ROBO1: variants seen among roughly 807,000 people sequenced by gnomAD.
ROBO1 encodes the protein roundabout guidance receptor 1.
A neutral mutation model predicts 195.9 loss-of-function variants in ROBO1; 149 were observed. The ratio of observed to expected loss-of-function variants is 0.76; its 90% CI spans 0.67 to 0.87. The LOEUF (loss-of-function observed/expected upper bound fraction) is 0.87. ROBO1 is among the 40% of genes least tolerant of loss of function. ROBO1 has a pLI of 0.00. For missense variants in ROBO1, 1,933 were observed against 2,068.3 expected, an observed-to-expected ratio of 0.93 and a Z score of 1.27; for synonymous variants, 816 against 733.2, an observed-to-expected ratio of 1.11 and a Z score of -1.82.
chr3:79,491,008 C>T (rs1437755083), intron 2 of ROBO1, among the ~76,000 whole-genome samples: 2 of 151,982 alleles, frequency 1.3e-5, no homozygotes, highest in Non-Finnish European at 2.9e-5. Flanking sequence ...AAAAAAGTGT[C>T]TCTATGGTAA....
intron 18 of ROBO1, among the ~76,000 whole-genome samples, chr3:78,654,799 A>G (rs1251208344): frequency 1.3e-5 from 2 of 152,226 alleles, no homozygotes; most frequent in Non-Finnish European, 2.9e-5. Flanking sequence ...AATTATACAT[A>G]GTCATTTTCC....
intron 1 of ROBO1, among the ~76,000 whole-genome samples, chr3:79,606,532 C>G (rs1944490839): frequency 2.0e-5 from 3 of 151,930 alleles, no homozygotes; most frequent in Admixed American, 1.3e-4. Flanking sequence ...CCTGCCTCAG[C>G]CTTCTGAGTA....
intron 3 of ROBO1, among the ~76,000 whole-genome samples, chr3:79,105,636 T>C (rs2079764381): frequency 6.6e-6 from 1 of 151,764 alleles, no homozygotes. Context: ...TATCTAAATT[T>C]ATATTTATAT....
At chr3:78,692,397 G>A (rs373040454) in intron 8 of ROBO1, among the ~76,000 whole-genome samples, 1 of 151,918 alleles carries the variant, frequency 6.6e-6, no homozygotes, top group East Asian at 1.9e-4. Context: ...AGCCTCCCGA[G>A]TAGCTGGGAT....
intron 5 of ROBO1, among the ~76,000 whole-genome samples, chr3:78,738,356 C>T (rs1474747232): frequency 2.6e-5 from 4 of 152,126 alleles, no homozygotes; most frequent in African/African-American, 4.8e-5. Context: ...AATTTTACCT[C>T]GTCAGCATGG....
chr3:79,087,239 C>T (rs2079387652), intron 3 of ROBO1, among the ~76,000 whole-genome samples: 1 of 151,988 alleles, frequency 6.6e-6, no homozygotes, highest in African/African-American at 2.4e-5. Context: ...AAGGATTTTC[C>T]TTAATTTTAA....
chr3:78,869,126 A>G (rs534769613), intron 4 of ROBO1, among the ~76,000 whole-genome samples: 214 of 152,308 alleles, frequency 1.4e-3, no homozygotes, highest in Non-Finnish European at 8.4e-4. Context: ...TGCAACAAAC[A>G]ATTCAATGAA....
chr3:78,631,314 G>GAAATAAAA lies in ROBO1; in HGVS notation c.3482-17_3482-10dup. ...CTTGTGCCCCTGACTCCCTAGAAAG[G>GAAATAAAA]AAATAAAATAGAAGCCATTGATCTC... On this transcript the variant is annotated splice_polypyrimidine_tract_variant and intron_variant, in intron 24 of 30. Transcript: ENST00000464233. 2 of 1,611,484 alleles carry GAAATAAAA rather than the reference G, an allele frequency of 1.2e-6. No homozygotes were observed. The highest frequency in any genetic ancestry group is 2.2e-5 in the South Asian group (2 of 90,798).
At chr3:79,090,912 A>G (rs570300223) in intron 3 of ROBO1, among the ~76,000 whole-genome samples, 45 of 152,264 alleles carry the variant, frequency 3.0e-4, no homozygotes, top group African/African-American at 1.0e-3. Context: ...TTTCTAGATT[A>G]TAGTATGTTT....
chr3:78,607,006 T>C lies in ROBO1; in HGVS notation c.4471A>G (p.Lys1491Glu). 6.8e-6 allele frequency: 11 copies of C among 1,612,698 alleles called. No individual in the cohort carries two copies. Among genetic ancestry groups the C allele is most frequent in the Non-Finnish European group, 8.5e-6 (10 of 1,178,830 alleles). ...GTCTTGGATTGGGCAGTAGGTGACT[T>C]TATAGCAGGTGGCGGCACAGGAGGT... ...PPPPVPPPAI[K>E]SPTAQSKTQL... Residue 1491 changes from lysine (K) to glutamate (E), a missense_variant, in exon 29 of 31, where the codon AAG becomes GAG. Physicochemically the swap from Lys to Glu is moderately conservative, Grantham distance 56 (BLOSUM62 1). Coordinates refer to ENST00000464233, the MANE Select transcript of ROBO1 (RefSeq NM_002941.4).
rs1444644048 is a variant in ROBO1, at chr3:79,322,319, A to G, written c.89-196780T>C. On this transcript the variant is annotated intron_variant, in intron 2 of 30. Coordinates refer to ENST00000464233, the MANE Select transcript of ROBO1 (RefSeq NM_002941.4). ...TTTAGATGGAGAGTCAACATATGCCATAATTGGAAACCAACAAGTATACGT... is the reference window on the plus strand; with the variant it reads ...TTTAGATGGAGAGTCAACATATGCCGTAATTGGAAACCAACAAGTATACGT... Among the ~76,000 whole-genome samples the G allele has an allele frequency of 3.3e-5, 5 of 152,234 alleles. No homozygotes were observed. In the East Asian group the frequency reaches 9.6e-4, roughly 29 times the overall value.
chr3:79,244,554 A>C (rs548587122), intron 2 of ROBO1, among the ~76,000 whole-genome samples: 1 of 152,148 alleles, frequency 6.6e-6, no homozygotes, highest in Non-Finnish European at 1.5e-5. Flanking sequence ...TGTGAAAAAC[A>C]GTTGTCAAAT....
chr3:78,869,043 G>T (rs758218263), intron 4 of ROBO1, among the ~76,000 whole-genome samples: 2 of 151,926 alleles, frequency 1.3e-5, no homozygotes, highest in African/African-American at 2.4e-5. Context: ...TTTAGAGTAA[G>T]AATAAAAAAA....
intron 2 of ROBO1, among the ~76,000 whole-genome samples, chr3:79,480,541 T>C (rs915009553): frequency 3.3e-5 from 5 of 152,118 alleles, no homozygotes; most frequent in Admixed American, 1.3e-4. Context: ...TTGTACACAC[T>C]AGGATTACCT....
At chr3:78,652,681 T>C (rs1225659029) in intron 18 of ROBO1, among the ~76,000 whole-genome samples, 1 of 152,180 alleles carries the variant, frequency 6.6e-6, no homozygotes, top group East Asian at 1.9e-4. Flanking sequence ...ATGTTAAATA[T>C]GTAAAAGAAT....
intron 1 of ROBO1, among the ~76,000 whole-genome samples, chr3:79,629,969 T>A (rs7627339): frequency 6.6e-6 from 1 of 151,678 alleles, no homozygotes; most frequent in African/African-American, 2.4e-5. Flanking sequence ...AGACCAACAA[T>A]GAGTAATAAA....
chr3:79,539,559 C>T (rs1310790898), intron 2 of ROBO1, among the ~76,000 whole-genome samples: 1 of 151,822 alleles, frequency 6.6e-6, no homozygotes, highest in East Asian at 1.9e-4. Context: ...AAAATTAAAA[C>T]TTCATTTTAA....
intron 1 of ROBO1, among the ~76,000 whole-genome samples, chr3:79,702,521 C>T (rs1187377263): frequency 6.6e-6 from 1 of 151,922 alleles, no homozygotes; most frequent in African/African-American, 2.4e-5. Flanking sequence ...TGCTACTTTT[C>T]CTGGGATCCA....
chr3:79,701,683 T>C (rs940984173), intron 1 of ROBO1, among the ~76,000 whole-genome samples: 3 of 151,688 alleles, frequency 2.0e-5, no homozygotes, highest in African/African-American at 7.3e-5. Context: ...GAAAATACAC[T>C]GCCCAATACA....
Sources: gnomAD v4.1 joint callset for allele counts (sites outside exome capture counted in the v4.1 genomes callset) on GRCh38, gnomAD v4.1.1 for gene constraint, MANE v1.5 for transcripts, NCBI Gene and HGNC (gene_info 2026-07-23, HGNC 2026-07-21) for gene names.